DESI2: variants seen among roughly 807,000 people sequenced by gnomAD.
DESI2 encodes desumoylating isopeptidase 2.
In DESI2, 10 loss-of-function variants were observed where a neutral mutation model predicts 24.1. That is an observed-to-expected ratio of 0.41 (90% CI 0.26 to 0.70). DESI2 has a LOEUF of 0.70. Ranked by LOEUF, DESI2 falls within the 30% of genes least tolerant of loss-of-function variation. The pLI is 0.29. For synonymous variants in DESI2, 71 were observed against 87.7 expected, an observed-to-expected ratio of 0.81 and a Z score of 1.06; for missense variants, 122 against 234.9, an observed-to-expected ratio of 0.52 and a Z score of 3.14.
intron 1 of DESI2, among the ~76,000 whole-genome samples, chr1:244,686,250 C>CTGTGTGTGTGTGTGTGTGTG (rs767500032): frequency 4.0e-5 from 6 of 150,394 alleles, no homozygotes; most frequent in African/African-American, 1.5e-4. Context: ...AAAGCACACT[C>CTGTGTGTGTGTGTGTGTGTG]TGTGTGTGTG....
intron 1 of DESI2, among the ~76,000 whole-genome samples, chr1:244,665,514 T>C (rs1031377481): frequency 6.6e-6 from 1 of 152,102 alleles, no homozygotes; most frequent in African/African-American, 2.4e-5. Context: ...AAATCTTTTC[T>C]GTGACTATTT....
chr1:244,705,739 G>C lies in DESI2; in HGVS notation c.535G>C (p.Val179Leu). 3 of 1,613,604 alleles carry C rather than the reference G, an allele frequency of 1.9e-6. No individual in the cohort carries two copies. Among genetic ancestry groups the C allele is most frequent in the South Asian group, 1.1e-5 (1 of 91,084 alleles). ...EAEDAAASASVASTAAGSRPG... is the reference protein window; with the variant it reads ...EAEDAAASASLASTAAGSRPG... ...AGAGGATGCTGCCGCATCCGCTTCC[G>C]TGGCAAGCACTGCAGCAGGCTCCAG... Residue 179 changes from valine (V) to leucine (L), a missense_variant, in exon 5 of 5, where the codon GTG becomes CTG. Val to Leu is a conservative substitution (Grantham distance 32). This residue lies in a region of DESI2 where 56 missense variants were observed against 67.9 expected (regional missense o/e 0.82). Transcript: ENST00000302550.
intron 1 of DESI2, among the ~76,000 whole-genome samples, chr1:244,678,772 G>T (rs1188239370): frequency 3.3e-5 from 5 of 152,146 alleles, no homozygotes; most frequent in Admixed American, 6.5e-5. Flanking sequence ...TGAAAAAGAA[G>T]CTGTGCTGCA....
At chr1:244,667,709 C>G (rs758657119) in intron 1 of DESI2, among the ~76,000 whole-genome samples, 2 of 152,308 alleles carry the variant, frequency 1.3e-5, no homozygotes, top group East Asian at 1.9e-4. Context: ...CTTGCTGCCC[C>G]CTCCTCAGTC....
chr1:244,675,933 T>G (rs1249906521), intron 1 of DESI2, among the ~76,000 whole-genome samples: 1 of 152,202 alleles, frequency 6.6e-6, no homozygotes, highest in Non-Finnish European at 1.5e-5. Flanking sequence ...TAGGTCTTCT[T>G]TAATTTTTTT....
At chr1:244,661,762 G>A (rs1675852996) in intron 1 of DESI2, among the ~76,000 whole-genome samples, 1 of 152,164 alleles carries the variant, frequency 6.6e-6, no homozygotes, top group South Asian at 2.1e-4. Context: ...TGGCTGCATA[G>A]TATTCCATGA....
intron 4 of DESI2, among the ~76,000 whole-genome samples, chr1:244,700,345 A>C (rs1036349609): frequency 1.3e-5 from 2 of 152,088 alleles, no homozygotes; most frequent in Non-Finnish European, 2.9e-5. Flanking sequence ...TCTCCTCCCC[A>C]GATTTAAAAG....
At chr1:244,694,615 A>AT in intron 4 of DESI2, 1 of 850,172 alleles carries the variant, frequency 1.2e-6, no homozygotes, top group Non-Finnish European at 2.1e-6. Context: ...GGGTAGCCAC[A>AT]TTTGCCACAG....
At chr1:244,705,473 C>T (rs1558139632) in intron 4 of DESI2, 83 bp from the exon 5 acceptor site, 3 of 1,220,954 alleles carry the variant, frequency 2.5e-6, no homozygotes, top group Middle Eastern at 2.6e-4. Context: ...CGCCGCCCCC[C>T]TCCTCCCACC....
chr1:244,678,196 AT>A (rs1478821281), intron 1 of DESI2, among the ~76,000 whole-genome samples: 1 of 152,222 alleles, frequency 6.6e-6, no homozygotes, highest in African/African-American at 2.4e-5. Context: ...ACATCTCATT[AT>A]AGTGAATTCC....
At chr1:244,676,987 A>T (rs966501140) in intron 1 of DESI2, among the ~76,000 whole-genome samples, 1 of 146,808 alleles carries the variant, frequency 6.8e-6, no homozygotes, top group South Asian at 2.1e-4. Flanking sequence ...GGGTCATGTT[A>T]TATAATCCTT....
At chr1:244,657,940 C>T (rs1370982783) in intron 1 of DESI2, among the ~76,000 whole-genome samples, 1 of 152,144 alleles carries the variant, frequency 6.6e-6, no homozygotes, top group Non-Finnish European at 1.5e-5. Context: ...AAGTGGATAT[C>T]TGGTGTTTCT....
intron 1 of DESI2, among the ~76,000 whole-genome samples, chr1:244,678,582 T>C (rs549987193): frequency 3.3e-5 from 5 of 152,332 alleles, no homozygotes; most frequent in African/African-American, 9.6e-5. Context: ...GTTCCTGTTA[T>C]GGAAATTTAC....
intron 4 of DESI2, chr1:244,694,804 C>T (rs1257000505): frequency 2.8e-5 from 15 of 539,782 alleles, no homozygotes. Flanking sequence ...GTTTCCTTGA[C>T]TGCTTTCCGG....
At chr1:244,683,322 C>CTTTTTTTTTTTTTTTTTTTTT (rs1558660353) in intron 1 of DESI2, among the ~76,000 whole-genome samples, 1 of 151,772 alleles carries the variant, frequency 6.6e-6, no homozygotes, top group African/African-American at 2.4e-5. Context: ...TTACTTTTTT[C>CTTTTTTTTTTTTTTTTTTTTT]TTTTTTTGAG....
At chr1:244,672,861 C>T (rs546732013) in intron 1 of DESI2, among the ~76,000 whole-genome samples, 2 of 139,136 alleles carry the variant, frequency 1.4e-5, no homozygotes, top group African/African-American at 5.4e-5. Flanking sequence ...TGGGTGACAG[C>T]GAGACTCTGT....
At chr1:244,657,046 T>C (rs1675672603) in intron 1 of DESI2, among the ~76,000 whole-genome samples, 1 of 152,246 alleles carries the variant, frequency 6.6e-6, no homozygotes, top group East Asian at 1.9e-4. Flanking sequence ...GTTCTGGGAT[T>C]ATAGGCATGA....
At chr1:244,662,203 T>A (rs1675871957) in intron 1 of DESI2, among the ~76,000 whole-genome samples, 1 of 152,236 alleles carries the variant, frequency 6.6e-6, no homozygotes, top group South Asian at 2.1e-4. Flanking sequence ...ATAAATGTCT[T>A]CTTTTGAGAA....
intron 1 of DESI2, among the ~76,000 whole-genome samples, chr1:244,682,744 G>A (rs921358119): frequency 3.3e-5 from 5 of 151,862 alleles, no homozygotes; most frequent in African/African-American, 9.7e-5. Flanking sequence ...CCAATAAAAC[G>A]TTATTTGCAA....
Sources: gnomAD v4.1 joint callset for allele counts (sites outside exome capture counted in the v4.1 genomes callset) on GRCh38, gnomAD v4.1.1 for gene constraint, gnomAD v4.1.1 regional missense constraint, MANE v1.5 for transcripts, NCBI Gene and HGNC (gene_info 2026-07-23, HGNC 2026-07-21) for gene names.